Variants in AGAP1 observed in about 807,000 individuals in gnomAD.
AGAP1 encodes ArfGAP with GTPase domain, ankyrin repeat and PH domain 1.
In AGAP1, 29 loss-of-function variants were observed where a neutral mutation model predicts 105.3. That is an observed-to-expected ratio of 0.28 (90% confidence interval 0.21 to 0.38). The LOEUF is 0.38. Ranked by LOEUF, AGAP1 falls within the 10% of genes least tolerant of loss-of-function variation. The pLI is 1.00. For synonymous variants in AGAP1, 509 were observed against 485.9 expected (o/e 1.05, Z -0.63); for missense variants, 998 against 1,165.1 (o/e 0.86, Z 2.09).
intron 9 of AGAP1, among the ~76,000 whole-genome samples, chr2:235,808,274 C>T (rs1213180014): frequency 6.6e-6 from 1 of 152,206 alleles, no homozygotes; most frequent in Non-Finnish European, 1.5e-5. Context: ...CACCTCCGGT[C>T]CAGCTCACTG....
chr2:235,774,284 A>C lies in AGAP1; in HGVS notation c.674-23475A>C, dbSNP rs560904099. 9 of 461,154 alleles carry C rather than the reference A, an allele frequency of 2.0e-5. No individual in the cohort carries two copies. The East Asian group carries it at 6.3e-4, about 32-fold the overall frequency. 28.6% of individuals were successfully genotyped at this position (461,154 alleles called of 1,614,324 possible). A position where few individuals can be genotyped will look rare whatever the true frequency, so the allele number is the denominator to read the frequency against. ...CCAGCCTCCCCTATCCACAGCCATC[A>C]GAGGAGTCCCTCACACACCTGTCGC... is the stretch of plus-strand genomic sequence containing the variant. On this transcript the variant is annotated intron_variant, in intron 6 of 17. Transcript: ENST00000304032.
At chr2:235,840,028 T>C (rs1960628164) in intron 9 of AGAP1, among the ~76,000 whole-genome samples, 1 of 151,960 alleles carries the variant, frequency 6.6e-6, no homozygotes. Flanking sequence ...CATCTAAGAG[T>C]GTATTAGCTG....
chr2:235,896,311 G>A (rs1419728036), intron 10 of AGAP1, among the ~76,000 whole-genome samples: 5 of 152,110 alleles, frequency 3.3e-5, no homozygotes, highest in Non-Finnish European at 7.3e-5. Context: ...GTAATATTCC[G>A]TCATATGTAC....
In AGAP1 at chr2:235,936,070, C is replaced by T. The variant is rs2052973725; in HGVS notation, c.1483+5147C>T. Reference sequence around the variant, plus strand: ...GCAGCCTCGCTCCCCCAGCCCTGGACTGTCAGGTTCTTCTGATAGCTCCAC... The same window carrying T: ...GCAGCCTCGCTCCCCCAGCCCTGGATTGTCAGGTTCTTCTGATAGCTCCAC... On this transcript the variant is annotated intron_variant, in intron 12 of 17. Transcript: ENST00000304032. This position sits in a 1 kb window ranked among gnomAD's most constrained non-coding sequence, Gnocchi z 4.7. Among the ~76,000 whole-genome samples the T allele has an allele frequency of 6.6e-6, 1 of 152,340 alleles. No individual in the cohort carries two copies. The highest frequency in any genetic ancestry group is 3.4e-3 in the Middle Eastern group (1 of 294).
chr2:235,725,878 G>A lies in AGAP1; in HGVS notation c.310+8234G>A, dbSNP rs1951618515. On this transcript the variant is annotated intron_variant, in intron 3 of 17. Coordinates refer to ENST00000304032, the MANE Select transcript of AGAP1 (RefSeq NM_001037131.3). This position sits in a 1 kb window ranked among gnomAD's most constrained non-coding sequence, Gnocchi z 5.7. ...TGATATTGTCTAAAAATAGGTAAAG[G>A]ATGCTAACATTATTATTAGATGTTC... is the stretch of plus-strand genomic sequence containing the variant. Among the ~76,000 whole-genome samples the A allele has an allele frequency of 6.6e-6, 1 of 152,104 alleles. No homozygotes were observed. The highest frequency in any genetic ancestry group is 1.5e-5 in the Non-Finnish European group (1 of 68,022).
intron 13 of AGAP1, among the ~76,000 whole-genome samples, chr2:236,030,615 C>G (rs1463013266): frequency 6.6e-6 from 1 of 152,198 alleles, no homozygotes; most frequent in Non-Finnish European, 1.5e-5. Flanking sequence ...TTTAGGCTCA[C>G]AATTCTAGTT....
At chr2:236,088,321 C>T (rs988921345) in intron 16 of AGAP1, among the ~76,000 whole-genome samples, 1 of 152,234 alleles carries the variant, frequency 6.6e-6, no homozygotes, top group African/African-American at 2.4e-5. Context: ...ACTGAAGAAA[C>T]AGCCAGATAG....
chr2:235,628,280 T>C (rs959269832), intron 1 of AGAP1, among the ~76,000 whole-genome samples: 3 of 152,148 alleles, frequency 2.0e-5, no homozygotes, highest in Admixed American at 1.3e-4. Context: ...CTCACTTGCC[T>C]GTGAGCTGCT....
At chr2:236,075,440 C>T (rs1327661970) in intron 16 of AGAP1, among the ~76,000 whole-genome samples, 1 of 152,110 alleles carries the variant, frequency 6.6e-6, no homozygotes, top group Non-Finnish European at 1.5e-5. Context: ...GGGATGAAGC[C>T]GCAAAGGGTC....
intron 1 of AGAP1, among the ~76,000 whole-genome samples, chr2:235,534,686 A>G (rs1943152563): frequency 6.6e-6 from 1 of 152,192 alleles, no homozygotes; most frequent in African/African-American, 2.4e-5. Flanking sequence ...TTAAAGCCTC[A>G]GGGATACACG....
At chr2:235,876,742 C>T (rs1364547630) in intron 9 of AGAP1, among the ~76,000 whole-genome samples, 1 of 152,168 alleles carries the variant, frequency 6.6e-6, no homozygotes, top group Non-Finnish European at 1.5e-5. Flanking sequence ...CTTGCATCTG[C>T]GTTCTCCTTG....
rs931585745 is a variant in AGAP1 at position 235,716,613 on chromosome 2, A to G, written c.223-944A>G. ...TTAAGGAATCGATTAGATCATGCTT[A>G]AATTTGATCACTAGCGATGTTCTAG... On this transcript the variant is annotated intron_variant, in intron 2 of 17. Transcript: ENST00000304032. The surrounding 1 kb of genome is among the most constrained non-coding windows in gnomAD (Gnocchi z 4.0). Among the ~76,000 whole-genome samples the G allele has an allele frequency of 6.6e-6, 1 of 152,072 alleles. No homozygotes were observed. The highest frequency in any genetic ancestry group is 1.5e-5 in the Non-Finnish European group (1 of 68,016).
chr2:235,595,714 A>C (rs1945504752), intron 1 of AGAP1, among the ~76,000 whole-genome samples: 1 of 152,204 alleles, frequency 6.6e-6, no homozygotes, highest in Non-Finnish European at 1.5e-5. Flanking sequence ...TCCCCTGCTG[A>C]TATGGCACAA....
chr2:235,656,233 A>G (rs893254868), intron 1 of AGAP1, among the ~76,000 whole-genome samples: 4 of 152,286 alleles, frequency 2.6e-5, no homozygotes, highest in Middle Eastern at 6.8e-3. Context: ...CAAGAAGACA[A>G]CTTTTTTTGC....
At position 235,611,607 on chromosome 2, in the gene AGAP1, T is replaced by TA. The variant is rs1946127382; in HGVS notation, c.164-97572_164-97571insA. On this transcript the variant is annotated intron_variant, in intron 1 of 17. Transcript: ENST00000304032. The surrounding 1 kb of genome is among the most constrained non-coding windows in gnomAD (Gnocchi z 5.0). The stretch of plus-strand genomic sequence containing the variant: ...TAATTAGAGAATCCCTCTCCACATG[T>TA]GTTCTCTGAACAGGGAGCCCAGGGA... Among the ~76,000 whole-genome samples, 1 of 152,176 alleles carries TA rather than the reference T, an allele frequency of 6.6e-6. No individual in the cohort carries two copies. The highest frequency in any genetic ancestry group is 6.5e-5 in the Admixed American group (1 of 15,280).
At chr2:235,708,051 G>A (rs1251528533) in intron 1 of AGAP1, among the ~76,000 whole-genome samples, 1 of 152,214 alleles carries the variant, frequency 6.6e-6, no homozygotes, top group African/African-American at 2.4e-5. Flanking sequence ...CACCCATGGT[G>A]TGGTTAGCCC....
At chr2:235,502,233 T>C (rs1331093673) in intron 1 of AGAP1, among the ~76,000 whole-genome samples, 1 of 152,128 alleles carries the variant, frequency 6.6e-6, no homozygotes, top group African/African-American at 2.4e-5. Context: ...GGTATCGTGC[T>C]TGTGTCTGGG....
At chr2:235,575,869 A>C (rs1944715557) in intron 1 of AGAP1, among the ~76,000 whole-genome samples, 1 of 152,112 alleles carries the variant, frequency 6.6e-6, no homozygotes, top group Admixed American at 6.6e-5. Flanking sequence ...GTCTGTCTCC[A>C]TTGAATTGTC....
chr2:235,746,717 C>T (rs572134020), intron 5 of AGAP1, among the ~76,000 whole-genome samples: 3 of 152,012 alleles, frequency 2.0e-5, no homozygotes, highest in African/African-American at 4.8e-5. Context: ...CAGGCCCGAC[C>T]GTGGCATTTT....
Sources: gnomAD v4.1 joint callset for allele counts (sites outside exome capture counted in the v4.1 genomes callset) on GRCh38, gnomAD v4.1.1 for gene constraint, Gnocchi (gnomAD v3.1) non-coding constraint, MANE v1.5 for transcripts, NCBI Gene and HGNC (gene_info 2026-07-23, HGNC 2026-07-21) for gene names.